Variants in KAZALD1 observed in about 807,000 individuals in gnomAD.
KAZALD1 encodes Kazal type serine peptidase inhibitor domain 1.
KAZALD1 carries 31 observed loss-of-function variants against 27.7 expected under a neutral mutation model. The ratio of observed to expected loss-of-function variants is 1.12; its 90% CI spans 0.84 to 1.51. The LOEUF (loss-of-function observed/expected upper bound fraction) is 1.51. KAZALD1 is among the 40% of genes most tolerant of loss of function. The pLI is 0.00. For missense variants in KAZALD1, 444 were observed against 408.9 expected, an observed-to-expected ratio of 1.09 and a Z score of -0.74; for synonymous variants, 179 against 182.0, an observed-to-expected ratio of 0.98 and a Z score of 0.13.
downstream of KAZALD1, chr10:101,067,797 C>A (rs914824462): frequency 5.1e-6 from 2 of 393,514 alleles, no homozygotes; most frequent in East Asian, 7.3e-5. Context: ...GGAGAGCGCC[C>A]CTCAAAAAGA....
chr10:101,064,891 G>A lies in KAZALD1; in HGVS notation c.886G>A (p.Glu296Lys), dbSNP rs761523575. 2.0e-5 allele frequency: 32 copies of A among 1,614,040 alleles called. No homozygotes were observed. Among genetic ancestry groups the A allele is most frequent in the Non-Finnish European group, 2.7e-5 (32 of 1,179,898 alleles). ...SLNLVPEEEAESEENDDYY is the reference protein window; with the variant it reads ...SLNLVPEEEAKSEENDDYY ...AAACCTGGTTCCTGAGGAGGAGGCTGAGAGTGAAGAGAATGACGATTACTA... is the reference window on the plus strand; with the variant it reads ...AAACCTGGTTCCTGAGGAGGAGGCTAAGAGTGAAGAGAATGACGATTACTA... Residue 296 changes from glutamate to lysine, a missense_variant, in exon 5 of 5, where the codon GAG becomes AAG. Physicochemically the swap from Glu to Lys is moderately conservative, Grantham distance 56. Transcript: ENST00000370200.
intron 2 of KAZALD1, among the ~76,000 whole-genome samples, chr10:101,063,713 C>T (rs962450250): frequency 6.6e-6 from 1 of 152,216 alleles, no homozygotes; most frequent in Admixed American, 6.5e-5. Flanking sequence ...ACAAACACCC[C>T]GTGGGGGTCC....
At position 101,062,635 on chromosome 10, in the gene KAZALD1, G is replaced by A; in HGVS notation, c.43G>A (p.Val15Met). 6.4e-7 allele frequency: 1 copy of A among 1,574,088 alleles called. No homozygotes were observed. The highest frequency in any genetic ancestry group is 1.1e-5 in the South Asian group (1 of 88,424). Residue 15 changes from valine (V) to methionine (M), a missense_variant, in exon 2 of 5, where the codon GTG (valine) becomes ATG (methionine). Transcript: ENST00000370200. ...GCCCGCAGCTGCCTTGGCGCTGCCTGTGCTCCTGCTACTGCTGGTGGTGCT... is the reference window on the plus strand; with the variant it reads ...GCCCGCAGCTGCCTTGGCGCTGCCTATGCTCCTGCTACTGCTGGTGGTGCT... The part of the protein sequence containing the change: ...PRPAAALALP[V>M]LLLLLVVLTP...
intron 2 of KAZALD1, among the ~76,000 whole-genome samples, chr10:101,063,661 G>C (rs1939231929): frequency 6.6e-6 from 1 of 152,176 alleles, no homozygotes; most frequent in Non-Finnish European, 1.5e-5. Context: ...TTCACTTCCT[G>C]AGCCCGGGCT....
In KAZALD1 at chr10:101,066,463, C is replaced by T. The variant is rs914779379; in HGVS notation, c.*1543C>T. On this transcript the variant is annotated 3_prime_UTR_variant, in exon 5 of 5. Transcript: ENST00000370200. ...TTGCCGAACCCAGGCTGGAAGCGGG[C>T]GGCCCTAGGAGCCGCGCACAACAGC... 2.2e-6 allele frequency: 1 copy of T among 456,562 alleles called. No individual in the cohort carries two copies. Among genetic ancestry groups the T allele is most frequent in the African/African-American group, 2.0e-5 (1 of 50,088 alleles). The allele number at this position is 456,562 out of a possible 1,614,324, so 28.3% of individuals were successfully genotyped here.
Position 101,066,178 on chromosome 10 carries a change from C to G in KAZALD1, c.*1258C>G, listed in dbSNP as rs1193701403. 1 of 331,148 alleles carries G rather than the reference C, an allele frequency of 3.0e-6. No individual in the cohort carries two copies. The highest frequency in any genetic ancestry group is 6.0e-6 in the Non-Finnish European group (1 of 166,382). 20.5% of individuals were successfully genotyped at this position (331,148 alleles called of 1,614,324 possible). ...AGAATGAAAGCATAAGTCAGCGAGG[C>G]CGAGGCGCTGTGTGTAGATGGCGAC... is the stretch of plus-strand genomic sequence containing the variant. On this transcript the variant is annotated 3_prime_UTR_variant, in exon 5 of 5. Coordinates refer to ENST00000370200, the MANE Select transcript of KAZALD1 (RefSeq NM_030929.5).
chr10:101,067,634 C>T (rs1939359225), downstream of KAZALD1: 8 of 337,414 alleles, frequency 2.4e-5, no homozygotes, highest in South Asian at 1.8e-4. Context: ...AGGAGGGCCG[C>T]TTCGCCCGGC....
chr10:101,064,784 C>T (rs758974721), intron 4 of KAZALD1, 42 bp from the exon 5 acceptor site: 6 of 1,605,326 alleles, frequency 3.7e-6, no homozygotes, highest in South Asian at 1.1e-5. Flanking sequence ...ACCGACAGCC[C>T]CTCTCTCCTG....
rs1590101203 is a variant in KAZALD1 at position 101,065,084 on chromosome 10, G to A, written c.*164G>A. Reference sequence around the variant, plus strand: ...TTGACTCCAAGGTAGCAGTGTGGTAGGATAGAGACAAAAGCTGGAGGAGGG... The same window carrying A: ...TTGACTCCAAGGTAGCAGTGTGGTAAGATAGAGACAAAAGCTGGAGGAGGG... On this transcript the variant is annotated 3_prime_UTR_variant, in exon 5 of 5. Transcript: ENST00000370200. 5 of 612,762 alleles carry A rather than the reference G, an allele frequency of 8.2e-6. No individual in the cohort carries two copies. The East Asian group carries it at 1.4e-4, about 17-fold the overall frequency. The allele number at this position is 612,762 out of a possible 1,614,324, so 38.0% of individuals were successfully genotyped here.
At chr10:101,067,972 T>C (rs555838754), downstream of KAZALD1, 1 of 470,962 alleles carries the variant, frequency 2.1e-6, no homozygotes, top group Admixed American at 2.4e-5. Context: ...TTTTGTGCCT[T>C]AGCGGAAAGA....
downstream of KAZALD1, chr10:101,067,346 C>T: frequency 2.2e-6 from 1 of 456,340 alleles, no homozygotes; most frequent in Non-Finnish European, 4.4e-6. Flanking sequence ...TTTCCCACCT[C>T]CAAGATTTTA....
Position 101,065,088 on chromosome 10 carries a change from A to G in KAZALD1, c.*168A>G. 1 of 608,872 alleles carries G rather than the reference A, an allele frequency of 1.6e-6. No individual in the cohort carries two copies. 37.7% of individuals were successfully genotyped at this position (608,872 alleles called of 1,614,324 possible). On this transcript the variant is annotated 3_prime_UTR_variant, in exon 5 of 5. Transcript: ENST00000370200. ...CTCCAAGGTAGCAGTGTGGTAGGAT[A>G]GAGACAAAAGCTGGAGGAGGGTAGG...
downstream of KAZALD1, chr10:101,067,283 C>G (rs1348134287): frequency 8.8e-6 from 4 of 456,584 alleles, no homozygotes; most frequent in Non-Finnish European, 1.3e-5. Context: ...TCCAGGAGCG[C>G]CGACCCAGAG....
At position 101,064,461 on chromosome 10, in the gene KAZALD1, C is replaced by T. The variant is rs201518599; in HGVS notation, c.672+40C>T. ...GAGGCTTCCCTCAGGCAGCCCAGGG[C>T]CCTCCAGAAGGACCCTGCTGATTCC... On this transcript the variant is annotated intron_variant, in intron 3 of 4. Transcript: ENST00000370200. 7.8e-4 allele frequency: 1,256 copies of T among 1,614,010 alleles called. 3 individuals are homozygous for T. The highest frequency in any genetic ancestry group is 9.6e-4 in the Non-Finnish European group (1,131 of 1,179,992).
At chr10:101,067,617 C>G, downstream of KAZALD1, 2 of 336,128 alleles carry the variant, frequency 6.0e-6, no homozygotes, top group Middle Eastern at 1.1e-3. Context: ...CTCGGGCTGT[C>G]GTGAGGAGGA....
intron 2 of KAZALD1, 100 bp from the exon 3 acceptor site, chr10:101,064,161 G>A: frequency 7.9e-7 from 1 of 1,265,126 alleles, no homozygotes. Context: ...ATTGTGTTCT[G>A]CCACAAGCAT....
chr10:101,066,890 C>A lies in KAZALD1; in HGVS notation c.*1970C>A. On this transcript the variant is annotated 3_prime_UTR_variant, in exon 5 of 5. Transcript: ENST00000370200. ...CCCCGCCCTGCTGGTTCAAGCACCA[C>A]AGCCTGGAATGGGAGAACTGTTGTC... 1 of 318,676 alleles carries A rather than the reference C, an allele frequency of 3.1e-6. No homozygotes were observed. Among genetic ancestry groups the A allele is most frequent in the Non-Finnish European group, 6.1e-6 (1 of 163,624 alleles). 19.7% of individuals were successfully genotyped at this position (318,676 alleles called of 1,614,324 possible). A position where few individuals can be genotyped will look rare whatever the true frequency, so the allele number is the denominator to read the frequency against.
Position 101,066,288 on chromosome 10 carries a change from C to T in KAZALD1, c.*1368C>T. The T allele has an allele frequency of 2.4e-6, 1 of 421,486 alleles. No homozygotes were observed. The highest frequency in any genetic ancestry group is 4.9e-6 in the Non-Finnish European group (1 of 205,400). 26.1% of individuals were successfully genotyped at this position (421,486 alleles called of 1,614,324 possible). A position where few individuals can be genotyped will look rare whatever the true frequency, so the allele number is the denominator to read the frequency against. ...TTGGCTCAGCGTCAGAGTTTGTCCTCTGGGGCCCAACGCAGGGAGCCTGGC... is the reference window on the plus strand; with the variant it reads ...TTGGCTCAGCGTCAGAGTTTGTCCTTTGGGGCCCAACGCAGGGAGCCTGGC... On this transcript the variant is annotated 3_prime_UTR_variant, in exon 5 of 5. Coordinates refer to ENST00000370200, the MANE Select transcript of KAZALD1 (RefSeq NM_030929.5).
rs1780993077 is a variant in KAZALD1, at chr10:101,066,650, G to A, written c.*1730G>A. ...AGTCCCAGCATCAGCCAGGGAATCCGCCCCTAGCTTGTTCTTCGCCCAGCT... is the reference window on the plus strand; with the variant it reads ...AGTCCCAGCATCAGCCAGGGAATCCACCCCTAGCTTGTTCTTCGCCCAGCT... On this transcript the variant is annotated 3_prime_UTR_variant, in exon 5 of 5. Transcript: ENST00000370200. The A allele has an allele frequency of 5.3e-6, 2 of 376,802 alleles. No individual in the cohort carries two copies. Among genetic ancestry groups the A allele is most frequent in the South Asian group, 1.9e-5 (1 of 51,974 alleles). 23.3% of individuals were successfully genotyped at this position (376,802 alleles called of 1,614,324 possible). A position where few individuals can be genotyped will look rare whatever the true frequency, so the allele number is the denominator to read the frequency against.
Sources: allele counts gnomAD v4.1 joint callset (sites outside exome capture counted in the v4.1 genomes callset), GRCh38; gene constraint gnomAD v4.1.1; transcripts MANE v1.5; gene names NCBI Gene and HGNC (gene_info 2026-07-23, HGNC 2026-07-21).